FRAS1: variants seen among roughly 807,000 people sequenced by gnomAD.
FRAS1 encodes Fraser extracellular matrix complex subunit 1.
A neutral mutation model predicts 435.2 loss-of-function variants in FRAS1; 290 were observed. That is an observed-to-expected ratio of 0.67 (90% CI 0.61 to 0.73). FRAS1 has a LOEUF of 0.73. FRAS1 is among the 30% of genes least tolerant of loss of function. The probability of loss-of-function intolerance (pLI) is 0.00; values close to 1 mark genes in which losing one functional copy is unlikely to be tolerated. For missense variants in FRAS1, 4,860 were observed against 5,001.5 expected (o/e 0.97, Z 0.85); for synonymous variants, 1,800 against 1,851.0 (o/e 0.97, Z 0.71).
rs1357218520 is a variant in FRAS1, at chr4:78,479,627, G to C, written c.8352G>C (p.Arg2784Ser). Reference protein sequence around the residue: ...ADASDNARIGRVATAKVLISG... With the variant: ...ADASDNARIGSVATAKVLISG... Reference sequence around the variant, plus strand: ...CCTCTGACAATGCCCGCATTGGAAGGGTGGCGACAGCCAAGGTGCTCATTA... The same window carrying C: ...CCTCTGACAATGCCCGCATTGGAAGCGTGGCGACAGCCAAGGTGCTCATTA... The change falls in exon 56 of 74, where the codon AGG (arginine) becomes AGC (serine). Residue 2784 changes from arginine (R) to serine (S), a missense_variant. Transcript: ENST00000512123. The C allele has an allele frequency of 1.2e-6, 2 of 1,613,780 alleles. No homozygotes were observed.
At chr4:78,327,209 A>G (rs1291743631) in intron 18 of FRAS1, among the ~76,000 whole-genome samples, 1 of 152,134 alleles carries the variant, frequency 6.6e-6, no homozygotes, top group African/African-American at 2.4e-5. Flanking sequence ...GTGCCAGAGC[A>G]AGACCCTTTC....
intron 28 of FRAS1, among the ~76,000 whole-genome samples, chr4:78,384,573 TTACTA>T (rs1431973383): frequency 6.6e-6 from 1 of 151,970 alleles, no homozygotes; most frequent in African/African-American, 2.4e-5. Context: ...ACGCATAACT[TTACTA>T]TACTAAATCT....
chr4:78,175,748 G>C (rs1469188849), intron 2 of FRAS1, among the ~76,000 whole-genome samples: 4 of 152,154 alleles, frequency 2.6e-5, no homozygotes, highest in Admixed American at 2.6e-4. Context: ...ATGATGCACA[G>C]TAGGAAGGGA....
At chr4:78,396,526 T>C (rs1239842987) in intron 29 of FRAS1, among the ~76,000 whole-genome samples, 1 of 152,210 alleles carries the variant, frequency 6.6e-6, no homozygotes, top group Admixed American at 6.5e-5. Context: ...GGCAGTTTTT[T>C]TCTCTAAGTG....
At chr4:78,307,710 C>T (rs1020965037) in intron 14 of FRAS1, among the ~76,000 whole-genome samples, 8 of 152,246 alleles carry the variant, frequency 5.3e-5, no homozygotes, top group East Asian at 1.9e-4. Flanking sequence ...CGCCCTGCTT[C>T]GGCTGGCGCA....
At chr4:78,070,105 C>G (rs1168240065) in intron 2 of FRAS1, among the ~76,000 whole-genome samples, 4 of 152,178 alleles carry the variant, frequency 2.6e-5, no homozygotes, top group African/African-American at 9.7e-5. Flanking sequence ...AACCCCTTCC[C>G]ATTTAACTGA....
Position 78,110,472 on chromosome 4 carries a change from A to G in FRAS1, c.108+44456A>G, listed in dbSNP as rs1221351458. ...CATGTCTACAACTATCTGATCTTTGACAAACCTGAGAAAAACAAGCAATGG... is the reference window on the plus strand; with the variant it reads ...CATGTCTACAACTATCTGATCTTTGGCAAACCTGAGAAAAACAAGCAATGG... On this transcript the variant is annotated intron_variant, in intron 2 of 73. Transcript: ENST00000512123. 2.4e-5 allele frequency among the ~76,000 whole-genome samples: 2 copies of G among 83,176 alleles called. 1 individual carries two copies. Among genetic ancestry groups the G allele is most frequent in the Non-Finnish European group, 4.6e-5 (2 of 43,086 alleles). The allele number at this position is 83,176 out of a possible 152,430, so 54.6% of individuals were successfully genotyped here.
chr4:78,075,655 A>G (rs1046355832), intron 2 of FRAS1, among the ~76,000 whole-genome samples: 1 of 152,190 alleles, frequency 6.6e-6, no homozygotes, highest in African/African-American at 2.4e-5. Flanking sequence ...AAATAGAGAT[A>G]ATAGTTGTGC....
chr4:78,359,783 T>C (rs921983664), intron 20 of FRAS1, among the ~76,000 whole-genome samples: 1 of 152,186 alleles, frequency 6.6e-6, no homozygotes, highest in Non-Finnish European at 1.5e-5. Context: ...ATAAATGTGA[T>C]GTATTGGGCA....
chr4:78,357,109 C>A (rs1293670392), intron 20 of FRAS1, among the ~76,000 whole-genome samples: 1 of 152,152 alleles, frequency 6.6e-6, no homozygotes, highest in East Asian at 1.9e-4. Context: ...CCTCTTGGAA[C>A]CCTTTCCAAA....
chr4:78,150,407 C>T (rs1020799949), intron 2 of FRAS1, among the ~76,000 whole-genome samples: 5 of 152,212 alleles, frequency 3.3e-5, no homozygotes, highest in Non-Finnish European at 5.9e-5. Flanking sequence ...AATCACTTGG[C>T]ATCTTCTCGG....
intron 2 of FRAS1, among the ~76,000 whole-genome samples, chr4:78,094,955 G>A (rs980540326): frequency 5.9e-5 from 9 of 152,260 alleles, no homozygotes; most frequent in East Asian, 3.9e-4. Flanking sequence ...TATTTAATCT[G>A]TCAAACCAGA....
intron 30 of FRAS1, among the ~76,000 whole-genome samples, chr4:78,403,880 T>C (rs1733001333): frequency 6.6e-6 from 1 of 152,194 alleles, no homozygotes; most frequent in African/African-American, 2.4e-5. Context: ...ATAAAGCATG[T>C]TTTATAATTA....
chr4:78,512,821 CTT>C (rs1373812911), intron 64 of FRAS1, among the ~76,000 whole-genome samples: 8 of 152,148 alleles, frequency 5.3e-5, no homozygotes, highest in Non-Finnish European at 1.2e-4. Context: ...GCTGATAGGA[CTT>C]ACAGGCAGAC....
At chr4:78,315,784 T>G in intron 16 of FRAS1, 50 bp downstream of exon 16, 3 of 1,598,142 alleles carry the variant, frequency 1.9e-6, no homozygotes, top group Non-Finnish European at 2.6e-6. Context: ...GAGTACATGT[T>G]TGACTATACT....
intron 10 of FRAS1, among the ~76,000 whole-genome samples, chr4:78,281,183 G>A (rs1727314059): frequency 6.6e-6 from 1 of 152,156 alleles, no homozygotes; most frequent in Non-Finnish European, 1.5e-5. Context: ...CAGGCACAAA[G>A]TGAGAATTCA....
At chr4:78,282,676 G>A in intron 11 of FRAS1, 144 bp from the exon 12 acceptor site, 1 of 805,710 alleles carries the variant, frequency 1.2e-6, no homozygotes, top group Non-Finnish European at 2.0e-6. Flanking sequence ...TTTTGCTATT[G>A]TTCTGTTTCA....
chr4:78,465,040 G>T (rs1284880662), intron 49 of FRAS1, among the ~76,000 whole-genome samples: 3 of 152,188 alleles, frequency 2.0e-5, no homozygotes, highest in Admixed American at 2.0e-4. Flanking sequence ...GCTTTGTGCA[G>T]TAAAACAGGG....
chr4:78,059,166 A>G lies in FRAS1; in HGVS notation c.76+1081A>G, dbSNP rs145628320. Among the ~76,000 whole-genome samples, 915 of 152,208 alleles carry G rather than the reference A, an allele frequency of 6.0e-3. 12 individuals are homozygous for G. Among genetic ancestry groups the G allele is most frequent in the African/African-American group, 0.021 (858 of 41,556 alleles). ...GCCTTCTCCGCCCTGGTGCCTAGGA[A>G]GGGGCGCGGGGCGGCTCCCGGGAGT... On this transcript the variant is annotated intron_variant, in intron 1 of 73. Coordinates refer to ENST00000512123, the MANE Select transcript of FRAS1 (RefSeq NM_025074.7).
Sources: gnomAD v4.1 joint callset for allele counts (sites outside exome capture counted in the v4.1 genomes callset) on GRCh38, gnomAD v4.1.1 for gene constraint, MANE v1.5 for transcripts, NCBI Gene and HGNC (gene_info 2026-07-23, HGNC 2026-07-21) for gene names.